Variants in CREB5 observed in about 807,000 individuals in gnomAD.
The protein encoded by CREB5 is cAMP responsive element binding protein 5.
In CREB5, 19 loss-of-function variants were observed where a neutral mutation model predicts 57.1. That is an observed-to-expected ratio of 0.33 (90% CI 0.23 to 0.49). CREB5 has a LOEUF of 0.49. Ranked by LOEUF, CREB5 falls within the 20% of genes least tolerant of loss-of-function variation. The pLI is 0.99. For synonymous variants in CREB5, 238 were observed against 238.3 expected (o/e 1.00, Z 0.01); for missense variants, 579 against 671.6 (o/e 0.86, Z 1.52).
chr7:28,473,496 A>T lies in CREB5; in HGVS notation c.4-14679A>T, dbSNP rs1479263622. 2.0e-5 allele frequency among the ~76,000 whole-genome samples: 3 copies of T among 152,276 alleles called. No homozygotes were observed. In the South Asian group the frequency reaches 6.2e-4, roughly 32 times the overall value. On this transcript the variant is annotated intron_variant, in intron 1 of 10. Coordinates refer to ENST00000357727, the MANE Select transcript of CREB5 (RefSeq NM_182898.4). ...TTTTTGTTTCTTTGCCTTGTAAGGT[A>T]AGCTCTGTGAGAACAGAGGCCTCAT...
chr7:28,807,869 C>T (rs1808839555), intron 8 of CREB5, among the ~76,000 whole-genome samples: 1 of 151,806 alleles, frequency 6.6e-6, no homozygotes, highest in South Asian at 2.1e-4. Flanking sequence ...GGTGTCCAGA[C>T]ATATAAAGAA....
chr7:28,626,147 C>A (rs1048424316), intron 5 of CREB5, among the ~76,000 whole-genome samples: 1 of 152,104 alleles, frequency 6.6e-6, no homozygotes, highest in Non-Finnish European at 1.5e-5. Flanking sequence ...TCATTGTTTT[C>A]TGTATCAAGT....
At chr7:28,636,026 A>G (rs552203381) in intron 5 of CREB5, among the ~76,000 whole-genome samples, 1 of 152,380 alleles carries the variant, frequency 6.6e-6, no homozygotes, top group Non-Finnish European at 1.5e-5. Context: ...CCACAAAATC[A>G]AAGGATTATA....
At position 28,809,273 on chromosome 7, in the gene CREB5, C is replaced by T. The variant is rs765684376; in HGVS notation, c.1113C>T (p.Asp371=). 42 of 1,614,042 alleles carry T rather than the reference C, an allele frequency of 2.6e-5. No homozygotes were observed. The highest frequency in any genetic ancestry group is 3.3e-4 in the Middle Eastern group (2 of 6,084). ...GGGGGCGCCGGCGAAGGGTGGTAGA[C>T]GAGGATCCGGACGAGAGGCGGCGGA... ...PTGGRRRRVV[D]EDPDERRRKF... is the part of the protein sequence containing the mutation. Residue 371 remains aspartate, a synonymous_variant, in exon 9 of 11, where the codon GAC becomes GAT. Transcript: ENST00000357727.
intron 1 of CREB5, among the ~76,000 whole-genome samples, chr7:28,376,386 A>G (rs7803267): frequency 1.6e-3 from 238 of 150,056 alleles, no homozygotes; most frequent in African/African-American, 5.4e-3. Context: ...CTCCTGCCTC[A>G]GCCTCCTGAG....
intron 3 of CREB5, among the ~76,000 whole-genome samples, chr7:28,507,040 G>A (rs1583552488): frequency 6.6e-6 from 1 of 152,342 alleles, no homozygotes; most frequent in Middle Eastern, 3.4e-3. Context: ...AAAGCTGAAT[G>A]TGTTTGACTT....
At chr7:28,546,557 T>C (rs1366472808) in intron 4 of CREB5, among the ~76,000 whole-genome samples, 1 of 152,212 alleles carries the variant, frequency 6.6e-6, no homozygotes, top group Non-Finnish European at 1.5e-5. Context: ...AAGGACAGAC[T>C]GCATCACTGG....
chr7:28,603,375 A>G (rs1796995601), intron 5 of CREB5, among the ~76,000 whole-genome samples: 1 of 152,212 alleles, frequency 6.6e-6, no homozygotes, highest in African/African-American at 2.4e-5. Context: ...ATGATCTGGT[A>G]TGTTTGTTTT....
intron 7 of CREB5, among the ~76,000 whole-genome samples, chr7:28,761,444 T>A (rs1052504488): frequency 6.6e-6 from 1 of 152,194 alleles, no homozygotes; most frequent in African/African-American, 2.4e-5. Flanking sequence ...AGACAAGGCT[T>A]CATTCCTGAG....
At position 28,804,408 on chromosome 7, in the gene CREB5, A is replaced by G; in HGVS notation, c.912A>G (p.Gln304=). Residue 304 remains glutamine (Q), a synonymous_variant, in exon 8 of 11, where the codon CAA becomes CAG. Coordinates refer to ENST00000357727, the MANE Select transcript of CREB5 (RefSeq NM_182898.4). ...HQHPAHHPHP[Q]PHHQQNHPHH... ...ACCCAGCACACCATCCTCACCCTCAACCCCATCACCAGCAGAACCATCCAC... is the reference window on the plus strand; with the variant it reads ...ACCCAGCACACCATCCTCACCCTCAGCCCCATCACCAGCAGAACCATCCAC... 1 of 1,613,232 alleles carries G rather than the reference A, an allele frequency of 6.2e-7. No individual in the cohort carries two copies. Among genetic ancestry groups the G allele is most frequent in the East Asian group, 2.2e-5 (1 of 44,830 alleles).
intron 1 of CREB5, among the ~76,000 whole-genome samples, chr7:28,458,396 C>T (rs1223788511): frequency 6.6e-6 from 1 of 152,146 alleles, no homozygotes; most frequent in Non-Finnish European, 1.5e-5. Context: ...ATGTGCATGA[C>T]ATGGGTGTGC....
intron 4 of CREB5, among the ~76,000 whole-genome samples, chr7:28,527,524 A>C (rs150605): frequency 0.93 from 141,451 of 152,262 alleles, 65,816 homozygotes; most frequent in African/African-American, 0.98. Context: ...TGGTCTAAAA[A>C]TTCTCTTGAC....
intron 1 of CREB5, among the ~76,000 whole-genome samples, chr7:28,340,908 T>C (rs1364978291): frequency 6.6e-6 from 1 of 152,106 alleles, no homozygotes; most frequent in East Asian, 1.9e-4. Flanking sequence ...AGCACTGAGG[T>C]CTAATGCAAA....
intron 6 of CREB5, among the ~76,000 whole-genome samples, chr7:28,720,029 C>T (rs1372081576): frequency 6.6e-6 from 1 of 152,240 alleles, no homozygotes; most frequent in Non-Finnish European, 1.5e-5. Context: ...CACTGCACTC[C>T]AGCCTGGGTG....
chr7:28,776,108 C>T (rs542857874), intron 7 of CREB5, among the ~76,000 whole-genome samples: 1 of 151,976 alleles, frequency 6.6e-6, no homozygotes, highest in Admixed American at 6.5e-5. Context: ...GAGGCCGAGG[C>T]GGGCGGATCA....
At chr7:28,573,747 C>T (rs1288423763) in intron 5 of CREB5, among the ~76,000 whole-genome samples, 1 of 152,178 alleles carries the variant, frequency 6.6e-6, no homozygotes, top group Admixed American at 6.5e-5. Flanking sequence ...TCAGGGAGGA[C>T]TTTGGGGACA....
At chr7:28,420,037 A>T (rs1788179894) in intron 1 of CREB5, among the ~76,000 whole-genome samples, 1 of 152,198 alleles carries the variant, frequency 6.6e-6, no homozygotes, top group Non-Finnish European at 1.5e-5. Flanking sequence ...TTCAAACACT[A>T]AAAAACCAAA....
chr7:28,454,843 A>G (rs1296143328), intron 1 of CREB5, among the ~76,000 whole-genome samples: 1 of 152,170 alleles, frequency 6.6e-6, no homozygotes, highest in African/African-American at 2.4e-5. Context: ...CTCTAACGGA[A>G]TGTGACCCAG....
chr7:28,461,231 G>GA (rs34364190), intron 1 of CREB5, among the ~76,000 whole-genome samples: 11,414 of 140,562 alleles, frequency 0.081, 805 homozygotes, highest in East Asian at 0.42. Context: ...CTCTGCCTCT[G>GA]AAAAAAAAAA....
Sources: allele counts gnomAD v4.1 joint callset (sites outside exome capture counted in the v4.1 genomes callset), GRCh38; gene constraint gnomAD v4.1.1; transcripts MANE v1.5; gene names NCBI Gene and HGNC (gene_info 2026-07-23, HGNC 2026-07-21).